The following RAF1 variants were observed in gnomAD, a reference collection of about 807,000 sequenced individuals.
The protein encoded by RAF1 is Raf-1 proto-oncogene, serine/threonine kinase.
In RAF1, 27 loss-of-function variants were observed where a neutral mutation model predicts 81.1. That is an observed-to-expected ratio of 0.33 (90% confidence interval 0.25 to 0.46). The LOEUF (loss-of-function observed/expected upper bound fraction) is 0.46. RAF1 is among the 20% of genes least tolerant of loss of function. The pLI is 1.00. For missense variants in RAF1, 598 were observed against 826.0 expected, an observed-to-expected ratio of 0.72 and a Z score of 3.38; for synonymous variants, 298 against 294.0, an observed-to-expected ratio of 1.01 and a Z score of -0.14.
At chr3:12,625,108 G>T (rs576845911) in intron 1 of RAF1, among the ~76,000 whole-genome samples, 2 of 151,866 alleles carry the variant, frequency 1.3e-5, no homozygotes, top group East Asian at 3.9e-4. Flanking sequence ...TTTTGAGGCG[G>T]AATCTCACTC....
At chr3:12,645,923 C>G (rs2060335592) in intron 1 of RAF1, among the ~76,000 whole-genome samples, 1 of 152,018 alleles carries the variant, frequency 6.6e-6, no homozygotes. Flanking sequence ...TGCATCAGAC[C>G]TCTGTGTGGA....
At chr3:12,590,741 A>C in intron 13 of RAF1, 57 bp downstream of exon 12, 1 of 1,541,716 alleles carries the variant, frequency 6.5e-7, no homozygotes, top group Non-Finnish European at 9.0e-7. Context: ...TCCTGGTTCC[A>C]ATTTAGGGAC....
chr3:12,648,925 A>C (rs2060436491), intron 1 of RAF1, among the ~76,000 whole-genome samples: 1 of 151,810 alleles, frequency 6.6e-6, no homozygotes. Flanking sequence ...GACCAGCCTG[A>C]CCAACATGGA....
chr3:12,601,171 G>C (rs1005941106), intron 8 of RAF1, among the ~76,000 whole-genome samples: 1 of 152,204 alleles, frequency 6.6e-6, no homozygotes, highest in Non-Finnish European at 1.5e-5. Context: ...AAGCTGGAAA[G>C]ACCACAAATC....
chr3:12,606,717 A>T (rs918141275), intron 5 of RAF1, among the ~76,000 whole-genome samples: 6 of 150,784 alleles, frequency 4.0e-5, no homozygotes, highest in Non-Finnish European at 7.4e-5. Flanking sequence ...TTTTTTTTTT[A>T]ATTATACTTT....
chr3:12,583,996 C>T lies in RAF1; in HGVS notation c.*518G>A. 4.0e-6 allele frequency: 1 copy of T among 251,666 alleles called. No homozygotes were observed. Among genetic ancestry groups the T allele is most frequent in the Non-Finnish European group, 7.8e-6 (1 of 127,396 alleles). The allele number at this position is 251,666 out of a possible 1,614,324, so 15.6% of individuals were successfully genotyped here. A position where few individuals can be genotyped will look rare whatever the true frequency, so the allele number is the denominator to read the frequency against. On this transcript the variant is annotated 3_prime_UTR_variant, in exon 18 of 18. Transcript: ENST00000442415. Reference sequence around the variant, plus strand: ...AAAAGTTCCATAGTACCAAAGCAGGCTCCTTCGGGCGGCCAGAGTCTCGGC... The same window carrying T: ...AAAAGTTCCATAGTACCAAAGCAGGTTCCTTCGGGCGGCCAGAGTCTCGGC...
chr3:12,627,720 T>C (rs1160602722), intron 1 of RAF1, among the ~76,000 whole-genome samples: 1 of 144,094 alleles, frequency 6.9e-6, no homozygotes, highest in African/African-American at 2.7e-5. Context: ...ATATATTTGC[T>C]TTAAAATCAA....
intron 1 of RAF1, among the ~76,000 whole-genome samples, chr3:12,655,905 G>A (rs1055213210): frequency 1.4e-4 from 22 of 151,864 alleles, no homozygotes; most frequent in Non-Finnish European, 2.1e-4. Flanking sequence ...TAGGGGTTAC[G>A]AGGAACTGGG....
intron 13 of RAF1, 114 bp from the exon 13 acceptor site, chr3:12,587,751 C>A (rs1277869022): frequency 2.9e-5 from 24 of 838,012 alleles, no homozygotes; most frequent in Non-Finnish European, 4.7e-5. Flanking sequence ...AGGAGTGTTA[C>A]ACACAGGGAT....
chr3:12,596,355 G>A (rs779393471), intron 11 of RAF1, among the ~76,000 whole-genome samples: 20 of 151,842 alleles, frequency 1.3e-4, no homozygotes, highest in African/African-American at 2.9e-4. Flanking sequence ...CATCACACCC[G>A]GCTAATTTTT....
chr3:12,598,739 A>C (rs1439250701), intron 11 of RAF1, among the ~76,000 whole-genome samples: 1 of 148,650 alleles, frequency 6.7e-6, no homozygotes, highest in African/African-American at 2.5e-5. Context: ...AAAAAAAAAA[A>C]AAAAAAAAAA....
intron 1 of RAF1, among the ~76,000 whole-genome samples, chr3:12,651,410 G>T (rs1363672794): frequency 1.3e-5 from 2 of 151,976 alleles, no homozygotes; most frequent in African/African-American, 4.8e-5. Flanking sequence ...GAGGAGGGTG[G>T]ATCACCTGAG....
At chr3:12,603,742 C>T (rs981145593) in intron 7 of RAF1, among the ~76,000 whole-genome samples, 1 of 152,206 alleles carries the variant, frequency 6.6e-6, no homozygotes, top group Non-Finnish European at 1.5e-5. Context: ...AGTCCTAGGA[C>T]TCCACCCTTT....
intron 1 of RAF1, among the ~76,000 whole-genome samples, chr3:12,634,798 T>C (rs912593874): frequency 6.6e-6 from 1 of 152,062 alleles, no homozygotes; most frequent in African/African-American, 2.4e-5. Flanking sequence ...AAGTATATCC[T>C]CTCCCCTTTG....
rs1181643709 is a variant in RAF1 at position 12,590,991 on chromosome 3, A to G, written c.1254-17T>C. On this transcript the variant is annotated splice_polypyrimidine_tract_variant and intron_variant, in intron 12 of 17. Coordinates refer to ENST00000442415, the MANE Select transcript of RAF1 (RefSeq NM_001354689.3). ...CGTGTTTTGCTGGGGAGGGGAGGGG[A>G]AGAGAGGAGAGGGAGGAGGAAAGTG... is the stretch of plus-strand genomic sequence containing the variant. The G allele has an allele frequency of 1.3e-6, 2 of 1,595,854 alleles. No homozygotes were observed. Among genetic ancestry groups the G allele is most frequent in the Middle Eastern group, 1.7e-4 (1 of 5,998 alleles).
intron 1 of RAF1, among the ~76,000 whole-genome samples, chr3:12,645,097 C>CAAAAAAA (rs11401342): frequency 4.6e-5 from 3 of 65,048 alleles, no homozygotes; most frequent in Admixed American, 1.8e-4. Flanking sequence ...GACTCAGTCT[C>CAAAAAAA]AAAAAAAAAA....
chr3:12,651,432 G>A (rs994190218), intron 1 of RAF1, among the ~76,000 whole-genome samples: 4 of 152,092 alleles, frequency 2.6e-5, no homozygotes, highest in Non-Finnish European at 4.4e-5. Context: ...TCCAGAGTTC[G>A]AGACCAGCCT....
At chr3:12,602,558 TA>T (rs1412629274) in intron 8 of RAF1, among the ~76,000 whole-genome samples, 1 of 152,078 alleles carries the variant, frequency 6.6e-6, no homozygotes, top group Non-Finnish European at 1.5e-5. Flanking sequence ...TTTTGCTACA[TA>T]TAGCCCAGGT....
At position 12,625,395 on chromosome 3, in the gene RAF1, T is replaced by C. The variant is rs184068167; in HGVS notation, c.-26-6648A>G. 3.3e-5 allele frequency among the ~76,000 whole-genome samples: 5 copies of C among 152,202 alleles called. No homozygotes were observed. The East Asian group carries it at 9.7e-4, about 29-fold the overall frequency. ...ACTGTGCCCAGACAGATTTGTAAAA[T>C]TAAAAAGGCAAAACATCTAGCACAA... On this transcript the variant is annotated intron_variant, in intron 1 of 17. Transcript: ENST00000442415.
Sources: gnomAD v4.1 joint callset for allele counts (sites outside exome capture counted in the v4.1 genomes callset) on GRCh38, gnomAD v4.1.1 for gene constraint, MANE v1.5 for transcripts, NCBI Gene and HGNC (gene_info 2026-07-23, HGNC 2026-07-21) for gene names.